The following NTRK2 variants were observed in gnomAD, a reference collection of about 807,000 sequenced individuals.
The protein encoded by NTRK2 is neurotrophic receptor tyrosine kinase 2, also known as BDNF/NT-3 growth factors receptor.
Under a neutral mutation model 94.5 loss-of-function variants are expected in NTRK2, and 13 were observed. The observed-to-expected ratio is 0.14, with a 90% CI of 0.09 to 0.22. NTRK2 has a LOEUF of 0.22. Ranked by LOEUF, NTRK2 falls within the 10% of genes least tolerant of loss-of-function variation. The pLI, the probability that NTRK2 is intolerant of heterozygous loss-of-function variation, is 1.00. For synonymous variants in NTRK2, 372 were observed against 407.4 expected, an observed-to-expected ratio of 0.91 and a Z score of 1.05; for missense variants, 639 against 1,071.2, an observed-to-expected ratio of 0.60 and a Z score of 5.63.
chr9:84,700,375 A>G (rs543725625), intron 2 of NTRK2, among the ~76,000 whole-genome samples: 198 of 152,160 alleles, frequency 1.3e-3, no homozygotes, highest in Admixed American at 5.4e-3. Context: ...CAAGTCTTAA[A>G]ATGTTTCTTT....
At chr9:84,985,283 G>A (rs907472187) in intron 17 of NTRK2, among the ~76,000 whole-genome samples, 1 of 152,176 alleles carries the variant, frequency 6.6e-6, no homozygotes, top group Non-Finnish European at 1.5e-5. Context: ...ATTTGAAGGA[G>A]GTATGATCAG....
rs2061555341 is a variant in NTRK2 at position 84,713,889 on chromosome 9, T to G, written c.583+3098T>G. Among the ~76,000 whole-genome samples, 3 of 151,778 alleles carry G rather than the reference T, an allele frequency of 2.0e-5. No homozygotes were observed. The South Asian group carries it at 6.2e-4, about 31-fold the overall frequency. ...ACCACAACGTAACTAGATGTGGGTT[T>G]TTTTTTTTTTAATTCTGCTTATTGT... is the stretch of plus-strand genomic sequence containing the variant. On this transcript the variant is annotated intron_variant, in intron 6 of 18. Transcript: ENST00000277120.
intron 6 of NTRK2, among the ~76,000 whole-genome samples, chr9:84,715,204 T>G (rs2061639811): frequency 6.6e-6 from 1 of 152,206 alleles, no homozygotes; most frequent in Non-Finnish European, 1.5e-5. Context: ...GGACCAGGTT[T>G]TTAATATAAT....
intron 14 of NTRK2, among the ~76,000 whole-genome samples, chr9:84,900,313 A>G (rs1184648707): frequency 6.6e-6 from 1 of 152,156 alleles, no homozygotes; most frequent in Non-Finnish European, 1.5e-5. Flanking sequence ...CAGACGTGGG[A>G]CCAGACATCA....
intron 12 of NTRK2, among the ~76,000 whole-genome samples, chr9:84,799,573 C>T (rs566652840): frequency 1.5e-3 from 185 of 123,350 alleles, no homozygotes; most frequent in Non-Finnish European, 2.4e-3. Context: ...TGTAGCTATA[C>T]GGGTTTAGGA....
At chr9:84,715,247 T>C (rs758250004) in intron 6 of NTRK2, among the ~76,000 whole-genome samples, 5 of 152,200 alleles carry the variant, frequency 3.3e-5, no homozygotes, top group Non-Finnish European at 5.9e-5. Context: ...AAAAATAACT[T>C]ACATACATTA....
intron 12 of NTRK2, among the ~76,000 whole-genome samples, chr9:84,828,996 G>GT (rs1554746057): frequency 7.7e-6 from 1 of 130,080 alleles, no homozygotes; most frequent in African/African-American, 3.1e-5. Flanking sequence ...TTTTTTTTTT[G>GT]TTGTTTGTTT....
chr9:84,974,592 G>A (rs1299588169), intron 17 of NTRK2, among the ~76,000 whole-genome samples: 1 of 152,152 alleles, frequency 6.6e-6, no homozygotes, highest in African/African-American at 2.4e-5. Context: ...TCACTTATAA[G>A]AGAAACATCC....
At chr9:84,976,034 G>A (rs1263985336) in intron 17 of NTRK2, among the ~76,000 whole-genome samples, 1 of 152,178 alleles carries the variant, frequency 6.6e-6, no homozygotes, top group Non-Finnish European at 1.5e-5. Context: ...GACATAGCTA[G>A]CCTATGATGA....
At chr9:84,971,087 A>T (rs1826129992) in intron 17 of NTRK2, among the ~76,000 whole-genome samples, 1 of 152,226 alleles carries the variant, frequency 6.6e-6, no homozygotes, top group African/African-American at 2.4e-5. Context: ...AGATTCATTT[A>T]AAACAGTTTC....
At chr9:84,797,662 A>G (rs28469618) in intron 12 of NTRK2, among the ~76,000 whole-genome samples, 1 of 81,920 alleles carries the variant, frequency 1.2e-5, no homozygotes, top group South Asian at 2.7e-4. Context: ...TATATATATT[A>G]TATATTATAT....
intron 12 of NTRK2, among the ~76,000 whole-genome samples, chr9:84,830,013 A>C (rs946425352): frequency 6.6e-6 from 1 of 152,184 alleles, no homozygotes; most frequent in Admixed American, 6.5e-5. Context: ...CCAGAGTAGG[A>C]GCAGTTTAGG....
At chr9:84,883,905 A>T (rs2132235955) in intron 14 of NTRK2, among the ~76,000 whole-genome samples, 1 of 152,358 alleles carries the variant, frequency 6.6e-6, no homozygotes, top group East Asian at 1.9e-4. Flanking sequence ...TCTCAAGAGA[A>T]AATATGCTAT....
At chr9:84,786,864 C>T (rs1172322879) in intron 12 of NTRK2, among the ~76,000 whole-genome samples, 1 of 152,044 alleles carries the variant, frequency 6.6e-6, no homozygotes, top group Non-Finnish European at 1.5e-5. Flanking sequence ...AAAAATATGT[C>T]GAAAATCCAC....
intron 12 of NTRK2, among the ~76,000 whole-genome samples, chr9:84,788,615 G>C (rs543861306): frequency 7.5e-4 from 114 of 152,292 alleles, no homozygotes; most frequent in African/African-American, 2.4e-3. Context: ...TCTGTGCAGA[G>C]GTTTGAGTGT....
intron 2 of NTRK2, among the ~76,000 whole-genome samples, chr9:84,692,419 T>G (rs564870895): frequency 6.6e-6 from 1 of 152,040 alleles, no homozygotes; most frequent in African/African-American, 2.4e-5. Context: ...TTGTAGTTTC[T>G]GTGTCATTTT....
chr9:85,010,180 C>G (rs916588565), intron 17 of NTRK2, among the ~76,000 whole-genome samples: 5 of 152,124 alleles, frequency 3.3e-5, no homozygotes, highest in African/African-American at 1.2e-4. Context: ...CTGCATTTGT[C>G]CCTTTCTAAA....
At chr9:84,711,401 G>A (rs1176092045) in intron 6 of NTRK2, among the ~76,000 whole-genome samples, 4 of 152,174 alleles carry the variant, frequency 2.6e-5, no homozygotes, top group Non-Finnish European at 5.9e-5. Flanking sequence ...AAAGGGCACC[G>A]AATGGCAAAA....
intron 12 of NTRK2, chr9:84,811,200 C>T (rs2071744165): frequency 1.9e-6 from 2 of 1,062,436 alleles, no homozygotes; most frequent in Non-Finnish European, 2.3e-6. Flanking sequence ...CCTTCACTGT[C>T]AATAAAAGTC....
Sources: allele counts gnomAD v4.1 joint callset (sites outside exome capture counted in the v4.1 genomes callset), GRCh38; gene constraint gnomAD v4.1.1; transcripts MANE v1.5; gene names NCBI Gene and HGNC (gene_info 2026-07-23, HGNC 2026-07-21).